The following GNAQ variants were observed in gnomAD, a reference collection of about 807,000 sequenced individuals.
GNAQ encodes G protein subunit alpha q.
Under a neutral mutation model 43.9 loss-of-function variants are expected in GNAQ, and 8 were observed. The observed-to-expected ratio is 0.18, with a 90% CI of 0.11 to 0.33. GNAQ has a LOEUF of 0.33. Ranked by LOEUF, GNAQ falls within the 10% of genes least tolerant of loss-of-function variation. The probability of loss-of-function intolerance (pLI) is 1.00; values close to 1 mark genes in which losing one functional copy is unlikely to be tolerated. For missense variants in GNAQ, 158 were observed against 450.8 expected, an observed-to-expected ratio of 0.35 and a Z score of 5.88; for synonymous variants, 155 against 170.7, an observed-to-expected ratio of 0.91 and a Z score of 0.71.
At chr9:78,027,682 C>A (rs1823998735) in intron 1 of GNAQ, among the ~76,000 whole-genome samples, 1 of 145,754 alleles carries the variant, frequency 6.9e-6, no homozygotes, top group African/African-American at 2.5e-5. Flanking sequence ...ACCTGGGAGG[C>A]GGAGGTTGCA....
chr9:77,805,366 A>G (rs1826811739), intron 3 of GNAQ, among the ~76,000 whole-genome samples: 1 of 152,114 alleles, frequency 6.6e-6, no homozygotes, highest in African/African-American at 2.4e-5. Flanking sequence ...AAGGATGTGC[A>G]GCATTTATTA....
chr9:77,931,520 G>C (rs1410922384), intron 1 of GNAQ, among the ~76,000 whole-genome samples: 1 of 151,730 alleles, frequency 6.6e-6, no homozygotes, highest in African/African-American at 2.4e-5. Context: ...GAGCCCCGGA[G>C]ACGTAGTATA....
chr9:77,954,642 A>G (rs1227609660), intron 1 of GNAQ, among the ~76,000 whole-genome samples: 1 of 152,178 alleles, frequency 6.6e-6, no homozygotes, highest in Non-Finnish European at 1.5e-5. Flanking sequence ...GTTTAATGAC[A>G]CAAAATTGAG....
intron 6 of GNAQ, 105 bp from the exon 7 acceptor site, chr9:77,721,618 C>G: frequency 1.4e-6 from 1 of 722,284 alleles, no homozygotes; most frequent in Non-Finnish European, 2.4e-6. Flanking sequence ...AAGCCTACAT[C>G]TGCACTGCAG....
At chr9:77,828,154 A>G (rs1000772042) in intron 2 of GNAQ, among the ~76,000 whole-genome samples, 1 of 149,416 alleles carries the variant, frequency 6.7e-6, no homozygotes, top group Non-Finnish European at 1.5e-5. Context: ...CTGCAGTTAT[A>G]GACAGAAACT....
intron 4 of GNAQ, among the ~76,000 whole-genome samples, chr9:77,795,345 A>C (rs982987360): frequency 6.6e-6 from 1 of 152,200 alleles, no homozygotes; most frequent in Non-Finnish European, 1.5e-5. Context: ...AATTAATTTG[A>C]GTGACAATGT....
chr9:77,951,258 C>T (rs934611165), intron 1 of GNAQ, among the ~76,000 whole-genome samples: 4 of 151,906 alleles, frequency 2.6e-5, no homozygotes. Flanking sequence ...CCACCATGCC[C>T]GGCTAATTTT....
intron 1 of GNAQ, among the ~76,000 whole-genome samples, chr9:78,003,061 T>C (rs11145650): frequency 0.29 from 44,160 of 152,040 alleles, 6,581 homozygotes; most frequent in South Asian, 0.45. Context: ...AAAACGGTAT[T>C]CAAAATAAAA....
chr9:78,008,611 TTTCATTTC>T (rs1564177017), intron 1 of GNAQ, among the ~76,000 whole-genome samples: 94 of 146,164 alleles, frequency 6.4e-4, no homozygotes, highest in African/African-American at 2.4e-3. Context: ...TTTCATTTCA[TTTCATTTC>T]ATTTTATTTT....
rs117764452 is a variant in GNAQ at position 77,917,319 on chromosome 9, C to T, written c.321+4842G>A. Among the ~76,000 whole-genome samples, 811 of 151,702 alleles carry T rather than the reference C, an allele frequency of 5.3e-3. 9 individuals carry two copies. Among genetic ancestry groups the T allele is most frequent in the Non-Finnish European group, 5.2e-3 (352 of 67,950 alleles). ...TTTAATTAAGAGCTGATTTCAACAC[C>T]AAAGCAAAGATCCATCAGAAAAGCA... On this transcript the variant is annotated intron_variant, in intron 2 of 6. Transcript: ENST00000286548.
intron 1 of GNAQ, among the ~76,000 whole-genome samples, chr9:77,998,079 T>G (rs1823598079): frequency 1.3e-5 from 2 of 152,120 alleles, no homozygotes; most frequent in Admixed American, 1.3e-4. Context: ...CGCGCGCATG[T>G]ACACACACGC....
intron 1 of GNAQ, among the ~76,000 whole-genome samples, chr9:77,941,903 TACATACAC>T (rs1164413875): frequency 6.6e-5 from 6 of 90,490 alleles, no homozygotes; most frequent in Non-Finnish European, 1.1e-4. Context: ...ACATACAACA[TACATACAC>T]ACACACACAC....
intron 5 of GNAQ, among the ~76,000 whole-genome samples, chr9:77,765,790 G>A (rs920687548): frequency 3.9e-5 from 6 of 152,202 alleles, no homozygotes; most frequent in African/African-American, 1.4e-4. Flanking sequence ...GTAGGAATTT[G>A]AGTAGCACAA....
At chr9:77,804,221 T>C (rs896228056) in intron 3 of GNAQ, among the ~76,000 whole-genome samples, 4 of 152,084 alleles carry the variant, frequency 2.6e-5, no homozygotes, top group African/African-American at 4.8e-5. Context: ...CCCCCACCTA[T>C]GACTGGAAGA....
chr9:77,890,176 G>A (rs1756064905), intron 2 of GNAQ, among the ~76,000 whole-genome samples: 2 of 152,058 alleles, frequency 1.3e-5, no homozygotes, highest in Non-Finnish European at 2.9e-5. Flanking sequence ...TGTAATTGCC[G>A]ATTCGCACAT....
At chr9:78,030,479 C>T (rs975714238) in intron 1 of GNAQ, 1 of 470,598 alleles carries the variant, frequency 2.1e-6, no homozygotes, top group Non-Finnish European at 4.4e-6. Context: ...GTACACAGAC[C>T]CTTTCCTTGG....
chr9:77,743,208 A>T (rs972112828), intron 5 of GNAQ, among the ~76,000 whole-genome samples: 5 of 152,236 alleles, frequency 3.3e-5, no homozygotes, highest in African/African-American at 1.2e-4. Flanking sequence ...CAGTGAGCCA[A>T]GATCATGCCA....
chr9:77,727,569 C>A (rs1455147175), intron 6 of GNAQ, among the ~76,000 whole-genome samples: 1 of 152,152 alleles, frequency 6.6e-6, no homozygotes, highest in African/African-American at 2.4e-5. Flanking sequence ...AAGAGCTTAA[C>A]ACTGGGTTAC....
At chr9:77,739,454 T>C (rs1038664954) in intron 5 of GNAQ, among the ~76,000 whole-genome samples, 4 of 152,242 alleles carry the variant, frequency 2.6e-5, no homozygotes, top group African/African-American at 9.6e-5. Flanking sequence ...ACCATGATTT[T>C]AATGTTTCTT....
Sources: allele counts gnomAD v4.1 joint callset (sites outside exome capture counted in the v4.1 genomes callset), GRCh38; gene constraint gnomAD v4.1.1; transcripts MANE v1.5; gene names NCBI Gene and HGNC (gene_info 2026-07-23, HGNC 2026-07-21).